OVOL2: variants seen among roughly 807,000 people sequenced by gnomAD.
OVOL2 encodes ovo like zinc finger 2.
OVOL2 carries 13 observed loss-of-function variants against 18.1 expected under a neutral mutation model. The ratio of observed to expected loss-of-function variants is 0.72; its 90% CI spans 0.47 to 1.14. The LOEUF (loss-of-function observed/expected upper bound fraction) is 1.14, where lower values mean the gene tolerates loss of function less well. OVOL2 is among the 50% of genes most tolerant of loss of function. The pLI is 0.00. For missense variants in OVOL2, 335 were observed against 383.0 expected, an observed-to-expected ratio of 0.87 and a Z score of 1.05; for synonymous variants, 166 against 162.7, an observed-to-expected ratio of 1.02 and a Z score of -0.16.
At chr20:18,050,161 G>A (rs1255366446) in intron 2 of OVOL2, among the ~76,000 whole-genome samples, 1 of 152,208 alleles carries the variant, frequency 6.6e-6, no homozygotes, top group African/African-American at 2.4e-5. Flanking sequence ...GGGCCTTCCT[G>A]CACCGCCGAA....
intron 3 of OVOL2, among the ~76,000 whole-genome samples, chr20:18,029,323 C>T (rs745856544): frequency 1.1e-4 from 16 of 152,118 alleles, no homozygotes; most frequent in Non-Finnish European, 1.9e-4. Flanking sequence ...GCCACCACGC[C>T]CGGCCTACAT....
chr20:18,043,324 A>G (rs1242063727), intron 2 of OVOL2, among the ~76,000 whole-genome samples: 2 of 152,212 alleles, frequency 1.3e-5, no homozygotes, highest in African/African-American at 4.8e-5. Context: ...GCTTATGACC[A>G]GTTGGATCAA....
At position 18,024,315 on chromosome 20, in the gene OVOL2, A is replaced by C; in HGVS notation, c.*321T>G. The C allele has an allele frequency of 3.7e-6, 1 of 270,008 alleles. No homozygotes were observed. 16.7% of individuals were successfully genotyped at this position (270,008 alleles called of 1,614,324 possible). A position where few individuals can be genotyped will look rare whatever the true frequency, so the allele number is the denominator to read the frequency against. On this transcript the variant is annotated 3_prime_UTR_variant, in exon 4 of 4. Coordinates refer to ENST00000278780, the MANE Select transcript of OVOL2 (RefSeq NM_021220.4). ...GCACCATAAAATGATGATCTCTCTA[A>C]GAAATACCTCTCCTTCCGTGTGTGA...
intron 3 of OVOL2, among the ~76,000 whole-genome samples, chr20:18,026,854 G>A (rs1197280034): frequency 6.6e-6 from 1 of 152,006 alleles, no homozygotes. Context: ...CACTGGCGAA[G>A]GTCACCCCTT....
rs1568630854 is a variant in OVOL2 at position 18,027,542 on chromosome 20, A to AG, written c.512-2591_512-2590insC. ...GACTCCGTCTCCAAAAAAAAAAAAA[A>AG]TAAGTAAATAAATAAATAAATAAAT... On this transcript the variant is annotated intron_variant, in intron 3 of 3. Coordinates refer to ENST00000278780, the MANE Select transcript of OVOL2 (RefSeq NM_021220.4). Among the ~76,000 whole-genome samples, 18 of 150,082 alleles carry AG rather than the reference A, an allele frequency of 1.2e-4. 1 individual carries two copies. Among genetic ancestry groups the AG allele is most frequent in the Admixed American group, 1.0e-3 (15 of 15,008 alleles).
rs145195452 is a variant in OVOL2 at position 18,055,271 on chromosome 20, A to T, written c.321+1386T>A. Among the ~76,000 whole-genome samples, 754 of 152,328 alleles carry T rather than the reference A, an allele frequency of 4.9e-3. 3 individuals carry two copies. The highest frequency in any genetic ancestry group is 8.1e-3 in the Non-Finnish European group (550 of 68,018). On this transcript the variant is annotated intron_variant, in intron 2 of 3. Transcript: ENST00000278780. ...AGGGGAATCTGGGCAATTGGGGGAC[A>T]GAGGGGCAAACTAGCTGCAGAGGCT...
chr20:18,050,662 AG>A (rs1220836585), intron 2 of OVOL2: 1 of 150,988 alleles, frequency 6.6e-6, no homozygotes, highest in African/African-American at 2.4e-5. Flanking sequence ...ATCCATTCCA[AG>A]CATTTTTCCA....
At chr20:18,053,593 T>G (rs905251776) in intron 2 of OVOL2, among the ~76,000 whole-genome samples, 3 of 151,416 alleles carry the variant, frequency 2.0e-5, no homozygotes, top group Non-Finnish European at 4.4e-5. Context: ...CCCAGCTACT[T>G]GGGAGGCTGA....
intron 2 of OVOL2, among the ~76,000 whole-genome samples, chr20:18,047,020 C>A (rs1425984465): frequency 1.3e-5 from 2 of 151,930 alleles, no homozygotes; most frequent in African/African-American, 4.8e-5. Flanking sequence ...ACAATTTCCC[C>A]ACATGTAAAA....
intron 2 of OVOL2, among the ~76,000 whole-genome samples, chr20:18,053,422 A>G (rs1233036298): frequency 6.6e-6 from 1 of 152,120 alleles, no homozygotes; most frequent in Non-Finnish European, 1.5e-5. Context: ...CCCAAATGGC[A>G]GGGCGCGGTG....
intron 3 of OVOL2, among the ~76,000 whole-genome samples, chr20:18,033,775 G>T (rs1166123898): frequency 6.6e-6 from 1 of 151,936 alleles, no homozygotes; most frequent in Non-Finnish European, 1.5e-5. Flanking sequence ...GCAAGGGCTG[G>T]TTATTATTTT....
chr20:18,033,067 A>G (rs1350732022), intron 3 of OVOL2, among the ~76,000 whole-genome samples: 1 of 152,208 alleles, frequency 6.6e-6, no homozygotes, highest in African/African-American at 2.4e-5. Context: ...GGTGGAGGTG[A>G]CTTGACTCTT....
chr20:18,032,807 C>T (rs1220443700), intron 3 of OVOL2, among the ~76,000 whole-genome samples: 1 of 151,936 alleles, frequency 6.6e-6, no homozygotes, highest in Admixed American at 6.6e-5. Context: ...GCACCTAGCT[C>T]CAAGATATAT....
chr20:18,043,597 G>A (rs1007826493), intron 2 of OVOL2, among the ~76,000 whole-genome samples: 1 of 152,164 alleles, frequency 6.6e-6, no homozygotes, highest in African/African-American at 2.4e-5. Flanking sequence ...ACCCAGAGTA[G>A]AACTGCCTAG....
intron 3 of OVOL2, among the ~76,000 whole-genome samples, chr20:18,027,874 C>T (rs1035792805): frequency 1.2e-4 from 18 of 152,112 alleles, no homozygotes; most frequent in African/African-American, 3.6e-4. Context: ...GGATTACAGG[C>T]GTGAGCCACT....
At position 18,049,421 on chromosome 20, in the gene OVOL2, A is replaced by T. The variant is rs938419980; in HGVS notation, c.321+7236T>A. Among the ~76,000 whole-genome samples the T allele has an allele frequency of 2.0e-5, 3 of 152,322 alleles. 1 individual carries two copies. In the South Asian group the frequency reaches 6.2e-4, roughly 32 times the overall value. On this transcript the variant is annotated intron_variant, in intron 2 of 3. Coordinates refer to ENST00000278780, the MANE Select transcript of OVOL2 (RefSeq NM_021220.4). ...GACAAGTTCATTTAGTTAATGGTCTATGGGAGGATATTCTGAGTCCAAGGC... is the reference window on the plus strand; with the variant it reads ...GACAAGTTCATTTAGTTAATGGTCTTTGGGAGGATATTCTGAGTCCAAGGC...
intron 3 of OVOL2, among the ~76,000 whole-genome samples, chr20:18,035,484 A>G (rs2036608087): frequency 6.6e-6 from 1 of 152,222 alleles, no homozygotes; most frequent in African/African-American, 2.4e-5. Context: ...CAAACAACAA[A>G]GGTAAGACCA....
At chr20:18,032,398 GAGGA>G (rs370951026) in intron 3 of OVOL2, among the ~76,000 whole-genome samples, 4 of 141,444 alleles carry the variant, frequency 2.8e-5, no homozygotes, top group Admixed American at 6.8e-5. Flanking sequence ...GGAAGGAAGG[GAGGA>G]AGGAAGGAAG....
intron 2 of OVOL2, among the ~76,000 whole-genome samples, chr20:18,052,801 C>T (rs920089775): frequency 6.6e-6 from 1 of 152,202 alleles, no homozygotes; most frequent in African/African-American, 2.4e-5. Context: ...ATACTTGGAC[C>T]TGGGTCCTAC....
Sources: allele counts gnomAD v4.1 joint callset (sites outside exome capture counted in the v4.1 genomes callset), GRCh38; gene constraint gnomAD v4.1.1; transcripts MANE v1.5; gene names NCBI Gene and HGNC (gene_info 2026-07-23, HGNC 2026-07-21).